TDRP: variants seen among roughly 807,000 people sequenced by gnomAD.
The protein encoded by TDRP is testis development-related protein.
A neutral mutation model predicts 10.5 loss-of-function variants in TDRP; 12 were observed. The ratio of observed to expected loss-of-function variants is 1.15; its 90% CI spans 0.73 to 1.86. TDRP has a LOEUF of 1.86. Ranked by LOEUF, TDRP falls within the 40% of genes most tolerant of loss-of-function variation. The pLI is 0.00. For synonymous variants in TDRP, 139 were observed against 95.4 expected (o/e 1.46, Z -2.67); for missense variants, 353 against 229.2 (o/e 1.54, Z -3.49).
intron 1 of TDRP, among the ~76,000 whole-genome samples, 164 bp downstream of exon 1, chr8:544,486 G>A (rs1214902494): frequency 5.9e-5 from 9 of 152,026 alleles, no homozygotes; most frequent in Non-Finnish European, 1.3e-4. Context: ...CTCCGCACTC[G>A]GGCACCTAGC....
chr8:499,453 C>T (rs984073255), intron 1 of TDRP, among the ~76,000 whole-genome samples: 2 of 152,164 alleles, frequency 1.3e-5, no homozygotes, highest in African/African-American at 2.4e-5. Context: ...GTGGCTGCTG[C>T]ACATCCCATC....
intron 1 of TDRP, among the ~76,000 whole-genome samples, chr8:498,135 C>T (rs1178317802): frequency 1.3e-5 from 2 of 152,148 alleles, no homozygotes; most frequent in African/African-American, 4.8e-5. Context: ...TGGAGTACTG[C>T]CTAGTAGAGC....
chr8:545,534 A>T (rs1218000873), upstream of TDRP: 1 of 152,034 alleles, frequency 6.6e-6, no homozygotes, highest in Non-Finnish European at 1.5e-5. Context: ...CGCAGTGCGC[A>T]TGCGCGCCGC....
chr8:501,185 G>C (rs548174259), intron 1 of TDRP, among the ~76,000 whole-genome samples: 1 of 151,510 alleles, frequency 6.6e-6, no homozygotes, highest in African/African-American at 2.4e-5. Flanking sequence ...CAGCCTGGGC[G>C]ACAGAGTGAG....
chr8:501,157 G>T (rs1801286726), intron 1 of TDRP, among the ~76,000 whole-genome samples: 1 of 151,768 alleles, frequency 6.6e-6, no homozygotes, highest in African/African-American at 2.4e-5. Flanking sequence ...AGTGAGCTGA[G>T]ATCGCGCCAC....
rs773185041 is a variant in TDRP at position 492,446 on chromosome 8, G to A, written c.511C>T (p.Arg171Trp). Residue 171 changes from arginine to tryptophan, a missense_variant, in exon 3 of 3, where the codon CGG (arginine) becomes TGG (tryptophan). Transcript: ENST00000324079. ...RAAGRLVSIR[R>W]QSKGHLTDSP... ...TCTGTCAGGTGGCCTTTACTCTGCC[G>A]TCGGATGCTCACCAGCCTCCCTGCC... The A allele has an allele frequency of 1.8e-5, 28 of 1,594,306 alleles. No homozygotes were observed. Among genetic ancestry groups the A allele is most frequent in the Middle Eastern group, 1.7e-4 (1 of 5,950 alleles).
intron 1 of TDRP, among the ~76,000 whole-genome samples, chr8:519,015 T>C (rs1195554674): frequency 1.3e-5 from 2 of 152,126 alleles, no homozygotes; most frequent in African/African-American, 2.4e-5. Context: ...TGCCAACACC[T>C]TGATTTCAGG....
intron 1 of TDRP, among the ~76,000 whole-genome samples, chr8:500,196 C>A (rs1373115668): frequency 6.6e-6 from 1 of 152,112 alleles, no homozygotes; most frequent in African/African-American, 2.4e-5. Flanking sequence ...TTTAGCTATA[C>A]CTTAGTTGTA....
In TDRP at chr8:528,006, C is replaced by T. The variant is rs1372737383; in HGVS notation, c.108+16644G>A. 5.9e-5 allele frequency among the ~76,000 whole-genome samples: 9 copies of T among 152,176 alleles called. 1 individual carries two copies. Among genetic ancestry groups the T allele is most frequent in the South Asian group, 4.2e-4 (2 of 4,810 alleles). The stretch of plus-strand genomic sequence containing the variant: ...ATGGGAAAAAATATCTGCAAACAAC[C>T]CACCTGACAAGGGATTAAGAATCAG... On this transcript the variant is annotated intron_variant, in intron 1 of 2. Coordinates refer to ENST00000324079, the MANE Select transcript of TDRP (RefSeq NM_001384899.1).
At chr8:537,943 C>T (rs569109354) in intron 1 of TDRP, among the ~76,000 whole-genome samples, 4 of 152,212 alleles carry the variant, frequency 2.6e-5, no homozygotes, top group African/African-American at 7.2e-5. Context: ...TAGCTAAGTG[C>T]TCCTTCATAA....
intron 1 of TDRP, among the ~76,000 whole-genome samples, chr8:527,788 A>C (rs138469864): frequency 6.6e-6 from 1 of 152,332 alleles, no homozygotes; most frequent in East Asian, 1.9e-4. Context: ...ACTTAAATCT[A>C]AGACCTCACA....
chr8:520,413 T>C (rs1392323867), intron 1 of TDRP, among the ~76,000 whole-genome samples: 1 of 152,210 alleles, frequency 6.6e-6, no homozygotes, highest in Non-Finnish European at 1.5e-5. Flanking sequence ...TGAACATGGG[T>C]GTGCAAATCT....
chr8:527,197 A>G (rs1451381514), intron 1 of TDRP, among the ~76,000 whole-genome samples: 1 of 152,220 alleles, frequency 6.6e-6, no homozygotes, highest in Non-Finnish European at 1.5e-5. Context: ...ATACCTAAGA[A>G]GTAACTGAAC....
chr8:528,208 G>T (rs772287471), intron 1 of TDRP, among the ~76,000 whole-genome samples: 1 of 152,182 alleles, frequency 6.6e-6, no homozygotes, highest in Non-Finnish European at 1.5e-5. Context: ...ACTACAATGA[G>T]ATATCACTCA....
At chr8:493,293 G>A (rs969259637) in intron 2 of TDRP, among the ~76,000 whole-genome samples, 18 of 152,236 alleles carry the variant, frequency 1.2e-4, no homozygotes, top group African/African-American at 3.4e-4. Flanking sequence ...GACTGTCCGC[G>A]AGCATCACCT....
intron 1 of TDRP, among the ~76,000 whole-genome samples, chr8:507,473 C>T (rs1444438720): frequency 6.6e-6 from 1 of 152,048 alleles, no homozygotes; most frequent in Admixed American, 6.6e-5. Flanking sequence ...GCAATGTATG[C>T]CCCAGGACAT....
At chr8:538,780 T>C (rs1802414749) in intron 1 of TDRP, among the ~76,000 whole-genome samples, 1 of 152,204 alleles carries the variant, frequency 6.6e-6, no homozygotes, top group African/African-American at 2.4e-5. Flanking sequence ...TGAATATAAA[T>C]AAGAGAAAGG....
In TDRP at chr8:541,709, A is replaced by AC. The variant is rs529441609; in HGVS notation, c.108+2940dup. Among the ~76,000 whole-genome samples, 297 of 152,360 alleles carry AC rather than the reference A, an allele frequency of 1.9e-3. 1 individual carries two copies. Among genetic ancestry groups the AC allele is most frequent in the African/African-American group, 6.7e-3 (279 of 41,580 alleles). On this transcript the variant is annotated intron_variant, in intron 1 of 2. Coordinates refer to ENST00000324079, the MANE Select transcript of TDRP (RefSeq NM_001384899.1). ...TCGCAATTCAAGACAAAGAGAAACC[A>AC]CCACACACCTACTAGGATGGACAAA... is the stretch of plus-strand genomic sequence containing the variant.
chr8:493,060 C>T (rs954027456), intron 2 of TDRP, among the ~76,000 whole-genome samples: 3 of 152,108 alleles, frequency 2.0e-5, no homozygotes, highest in Non-Finnish European at 4.4e-5. Flanking sequence ...AGATTTTGAG[C>T]AAATCAGATC....
Sources: gnomAD v4.1 joint callset for allele counts (sites outside exome capture counted in the v4.1 genomes callset) on GRCh38, gnomAD v4.1.1 for gene constraint, MANE v1.5 for transcripts, NCBI Gene and HGNC (gene_info 2026-07-23, HGNC 2026-07-21) for gene names.